OCA2: variants seen among roughly 807,000 people sequenced by gnomAD.
The protein encoded by OCA2 is P protein.
A neutral mutation model predicts 100.2 loss-of-function variants in OCA2; 77 were observed. The observed-to-expected ratio is 0.77, with a 90% CI of 0.64 to 0.93. The LOEUF (loss-of-function observed/expected upper bound fraction) is 0.93, where lower values mean the gene tolerates loss of function less well. OCA2 is among the 40% of genes least tolerant of loss of function. The pLI is 0.00. For missense variants in OCA2, 1,062 were observed against 1,089.1 expected (o/e 0.98, Z 0.35); for synonymous variants, 432 against 439.2 (o/e 0.98, Z 0.21).
chr15:27,928,007 G>A (rs189088435), intron 18 of OCA2, among the ~76,000 whole-genome samples: 1 of 151,954 alleles, frequency 6.6e-6, no homozygotes, highest in Non-Finnish European at 1.5e-5. Flanking sequence ...GGCCAGGCTG[G>A]TCACGAACTC....
intron 23 of OCA2, among the ~76,000 whole-genome samples, chr15:27,765,803 G>C (rs1387143871): frequency 1.3e-5 from 2 of 152,234 alleles, no homozygotes; most frequent in African/African-American, 4.8e-5. Flanking sequence ...ATTATAATTG[G>C]TGTATAATGA....
chr15:28,070,060 T>C (rs1425112758), intron 2 of OCA2, among the ~76,000 whole-genome samples: 2 of 107,960 alleles, frequency 1.9e-5, no homozygotes, highest in Admixed American at 8.4e-5. Context: ...CGCCGCCCCA[T>C]CTGGGATGTG....
At chr15:27,928,461 T>C (rs554310891) in intron 18 of OCA2, among the ~76,000 whole-genome samples, 24 of 152,184 alleles carry the variant, frequency 1.6e-4, no homozygotes, top group Non-Finnish European at 2.1e-4. Context: ...ATGATTTTCA[T>C]AGGTCAGAGG....
chr15:27,938,418 C>T (rs1159084212), intron 18 of OCA2, among the ~76,000 whole-genome samples: 2 of 152,192 alleles, frequency 1.3e-5, no homozygotes, highest in Non-Finnish European at 2.9e-5. Flanking sequence ...GCTCACTAGA[C>T]CAAGTGGGCT....
chr15:28,096,518 C>T (rs2044986914), intron 1 of OCA2, among the ~76,000 whole-genome samples: 1 of 152,182 alleles, frequency 6.6e-6, no homozygotes, highest in East Asian at 1.9e-4. Context: ...GAAGCCCGTC[C>T]AGGGGTCAGC....
chr15:27,848,006 G>C (rs1351889504), intron 22 of OCA2, among the ~76,000 whole-genome samples: 2 of 152,230 alleles, frequency 1.3e-5, no homozygotes, highest in African/African-American at 4.8e-5. Context: ...AGATGCCGCA[G>C]GCATCTCCTC....
intron 23 of OCA2, among the ~76,000 whole-genome samples, chr15:27,840,543 G>A (rs756036603): frequency 2.0e-5 from 3 of 152,098 alleles, no homozygotes; most frequent in Non-Finnish European, 2.9e-5. Context: ...TCAAGACAGT[G>A]CACTACTGGG....
chr15:27,924,326 T>C (rs939157125), intron 19 of OCA2, among the ~76,000 whole-genome samples: 2 of 152,228 alleles, frequency 1.3e-5, no homozygotes, highest in Admixed American at 1.3e-4. Context: ...CATACATTTA[T>C]TGAAAAAGAT....
the OCA2 span, among the ~76,000 whole-genome samples, chr15:27,735,416 G>A: frequency 6.6e-6 from 1 of 152,120 alleles, no homozygotes; most frequent in Non-Finnish European, 1.5e-5. Context: ...GAGTTAAAAA[G>A]GAGGAAGAGA....
chr15:27,805,561 G>A (rs1479966323), intron 23 of OCA2, among the ~76,000 whole-genome samples: 4 of 152,210 alleles, frequency 2.6e-5, no homozygotes, highest in Non-Finnish European at 5.9e-5. Flanking sequence ...GGATGTGGCA[G>A]CTGCCCGGGT....
chr15:28,044,207 T>C (rs2043282822), intron 2 of OCA2, among the ~76,000 whole-genome samples: 1 of 152,252 alleles, frequency 6.6e-6, no homozygotes. Flanking sequence ...TAAAAAATTA[T>C]TCTAACCAAT....
intron 21 of OCA2, among the ~76,000 whole-genome samples, chr15:27,865,389 G>A (rs570112982): frequency 6.6e-6 from 1 of 152,246 alleles, no homozygotes; most frequent in South Asian, 2.1e-4. Context: ...GGCCAATGAC[G>A]CCAGCCAGAG....
chr15:27,954,318 T>C (rs2040144702), intron 17 of OCA2, among the ~76,000 whole-genome samples: 2 of 152,220 alleles, frequency 1.3e-5, no homozygotes. Flanking sequence ...AAGGCAGGCA[T>C]AATCTGTATG....
intron 23 of OCA2, among the ~76,000 whole-genome samples, chr15:27,841,618 A>T (rs74474678): frequency 0.028 from 4,287 of 152,336 alleles, 67 homozygotes; most frequent in Non-Finnish European, 0.032. Context: ...CCTTTGCCAA[A>T]TTTAAAATAC....
At chr15:27,770,317 G>T (rs1173774509) in intron 23 of OCA2, among the ~76,000 whole-genome samples, 1 of 152,196 alleles carries the variant, frequency 6.6e-6, no homozygotes, top group Non-Finnish European at 1.5e-5. Context: ...GCCGGGAGGG[G>T]CCAGGGACGG....
At chr15:27,834,067 A>G (rs2035058613) in intron 23 of OCA2, among the ~76,000 whole-genome samples, 1 of 152,174 alleles carries the variant, frequency 6.6e-6, no homozygotes, top group Non-Finnish European at 1.5e-5. Flanking sequence ...GGGGCCCTAG[A>G]TGGCTTCAGG....
At chr15:27,752,808 C>T (rs868615581), downstream of OCA2, among the ~76,000 whole-genome samples, 7 of 125,982 alleles carry the variant, frequency 5.6e-5, no homozygotes, top group African/African-American at 2.0e-4. Flanking sequence ...CCACCCCCCC[C>T]CCCCCCCCAG....
At chr15:27,750,345 A>G (rs904811018), downstream of OCA2, among the ~76,000 whole-genome samples, 3 of 152,200 alleles carry the variant, frequency 2.0e-5, no homozygotes, top group African/African-American at 7.2e-5. Flanking sequence ...TACATCCCAG[A>G]GGATAAAATA....
chr15:27,776,728 A>T (rs1254163849), intron 23 of OCA2: 1 of 152,320 alleles, frequency 6.6e-6, no homozygotes, highest in Non-Finnish European at 1.5e-5. Flanking sequence ...GCATCCCAGA[A>T]CACGGCTCCA....
Sources: gnomAD v4.1 joint callset for allele counts (sites outside exome capture counted in the v4.1 genomes callset) on GRCh38, gnomAD v4.1.1 for gene constraint, MANE v1.5 for transcripts, NCBI Gene and HGNC (gene_info 2026-07-23, HGNC 2026-07-21) for gene names.